ZCWPW2: variants seen among roughly 807,000 people sequenced by gnomAD.
ZCWPW2 encodes zinc finger CW-type PWWP domain protein 2.
ZCWPW2 carries 45 observed loss-of-function variants against 46.6 expected under a neutral mutation model. That is an observed-to-expected ratio of 0.96 (90% CI 0.76 to 1.24). The LOEUF is 1.24. ZCWPW2 is among the 50% of genes most tolerant of loss of function. The pLI is 0.00. For synonymous variants in ZCWPW2, 152 were observed against 137.1 expected (o/e 1.11, Z -0.76); for missense variants, 429 against 403.9 (o/e 1.06, Z -0.53).
intron 4 of ZCWPW2, among the ~76,000 whole-genome samples, chr3:28,448,486 G>C (rs1698083183): frequency 6.6e-6 from 1 of 151,918 alleles, no homozygotes; most frequent in South Asian, 2.1e-4. Flanking sequence ...ACTTACTATA[G>C]TTAAGGTGTC....
intron 4 of ZCWPW2, among the ~76,000 whole-genome samples, chr3:28,439,526 A>G (rs1203742296): frequency 2.0e-5 from 3 of 152,056 alleles, no homozygotes; most frequent in Non-Finnish European, 2.9e-5. Flanking sequence ...CTTCAATTCA[A>G]TCAAGTTGAC....
intron 3 of ZCWPW2, among the ~76,000 whole-genome samples, chr3:28,424,078 T>C (rs895450692): frequency 4.6e-5 from 7 of 152,084 alleles, no homozygotes; most frequent in African/African-American, 1.7e-4. Flanking sequence ...CTTTCCAGAA[T>C]TCCTTACTAT....
intron 1 of ZCWPW2, among the ~76,000 whole-genome samples, chr3:28,387,713 C>T (rs761045358): frequency 1.3e-5 from 2 of 152,040 alleles, no homozygotes; most frequent in South Asian, 2.1e-4. Flanking sequence ...GAATAGGAAA[C>T]TCAAAATAAA....
intron 1 of ZCWPW2, among the ~76,000 whole-genome samples, chr3:28,383,956 T>C (rs1036644178): frequency 2.0e-5 from 3 of 152,158 alleles, no homozygotes; most frequent in Non-Finnish European, 4.4e-5. Flanking sequence ...AAATTTAATA[T>C]TTCTTCCTTT....
chr3:28,357,271 T>G (rs543560043), intron 1 of ZCWPW2, among the ~76,000 whole-genome samples: 35 of 152,278 alleles, frequency 2.3e-4, no homozygotes, highest in Non-Finnish European at 4.4e-4. Context: ...TTAAGCTACA[T>G]TTTTCAAATA....
At chr3:28,447,115 A>C (rs1406969045) in intron 4 of ZCWPW2, among the ~76,000 whole-genome samples, 1 of 152,098 alleles carries the variant, frequency 6.6e-6, no homozygotes, top group Non-Finnish European at 1.5e-5. Context: ...TTCAAATCCT[A>C]CTTTTCCAAA....
intron 6 of ZCWPW2, among the ~76,000 whole-genome samples, chr3:28,507,225 A>G (rs1416337260): frequency 3.3e-5 from 5 of 152,186 alleles, no homozygotes; most frequent in African/African-American, 9.6e-5. Flanking sequence ...TCATTGTGGA[A>G]TATTTAACAA....
At chr3:28,421,834 T>TTGTGTGTGTG (rs71087697) in intron 3 of ZCWPW2, among the ~76,000 whole-genome samples, 2,291 of 133,874 alleles carry the variant, frequency 0.017, 31 homozygotes, top group Admixed American at 0.025. Context: ...GGAGAATAGT[T>TTGTGTGTGTG]TGTGTGTGTG....
rs185281243 is a variant in ZCWPW2, at chr3:28,362,008, A to G, written c.-134+12805A>G. 1.2e-3 allele frequency among the ~76,000 whole-genome samples: 182 copies of G among 152,272 alleles called. 1 individual carries two copies. Among genetic ancestry groups the G allele is most frequent in the African/African-American group, 4.0e-3 (167 of 41,566 alleles). On this transcript the variant is annotated intron_variant, in intron 1 of 9. Transcript: ENST00000383768. ...AGTGGAACTGCCTTGTAATCCAGCA[A>G]TCCTACTTCAAAGGTATTTATCCAA... is the stretch of plus-strand genomic sequence containing the variant.
chr3:28,467,202 T>C (rs1429595669), intron 4 of ZCWPW2, among the ~76,000 whole-genome samples: 1 of 151,988 alleles, frequency 6.6e-6, no homozygotes, highest in Non-Finnish European at 1.5e-5. Flanking sequence ...AATAGTAACC[T>C]GCGGAAAAAA....
At chr3:28,485,332 T>C (rs1004018383) in intron 5 of ZCWPW2, among the ~76,000 whole-genome samples, 1 of 152,154 alleles carries the variant, frequency 6.6e-6, no homozygotes, top group Non-Finnish European at 1.5e-5. Flanking sequence ...TGGTCTTTTT[T>C]TCTGAGTGTT....
chr3:28,369,754 G>T (rs1316214492), intron 1 of ZCWPW2, among the ~76,000 whole-genome samples: 1 of 152,224 alleles, frequency 6.6e-6, no homozygotes, highest in African/African-American at 2.4e-5. Context: ...TGCCCGCAGA[G>T]GTGGAGTCTA....
chr3:28,515,484 A>G, intron 7 of ZCWPW2, 70 bp from the exon 8 acceptor site: 1 of 1,129,166 alleles, frequency 8.9e-7, no homozygotes, highest in South Asian at 1.4e-5. Context: ...ACCAATGAAT[A>G]GGCACAAATG....
chr3:28,409,321 T>C (rs2125737140), intron 2 of ZCWPW2, among the ~76,000 whole-genome samples: 1 of 152,100 alleles, frequency 6.6e-6, no homozygotes, highest in Admixed American at 6.6e-5. Flanking sequence ...GGTTTCGCTA[T>C]GTTGACCAGG....
chr3:28,403,002 C>T (rs1157332366), intron 2 of ZCWPW2, among the ~76,000 whole-genome samples: 5 of 152,128 alleles, frequency 3.3e-5, no homozygotes, highest in Non-Finnish European at 5.9e-5. Flanking sequence ...CAAGGATGCC[C>T]ACTCTCACCA....
intron 4 of ZCWPW2, among the ~76,000 whole-genome samples, chr3:28,467,824 A>G (rs577618337): frequency 6.6e-6 from 1 of 152,294 alleles, no homozygotes; most frequent in East Asian, 1.9e-4. Context: ...GCTCTTTTAA[A>G]TACCTGGAAA....
intron 1 of ZCWPW2, among the ~76,000 whole-genome samples, chr3:28,380,915 C>A (rs1695025239): frequency 9.8e-6 from 1 of 101,980 alleles, no homozygotes; most frequent in African/African-American, 3.8e-5. Context: ...TTGAACTTTA[C>A]CAAATATATA....
intron 6 of ZCWPW2, among the ~76,000 whole-genome samples, chr3:28,497,478 A>C (rs1270403788): frequency 6.6e-6 from 1 of 151,742 alleles, no homozygotes; most frequent in East Asian, 1.9e-4. Flanking sequence ...TGGTGCTTCT[A>C]TAAGAAATGA....
chr3:28,440,594 C>A (rs1229616176), intron 4 of ZCWPW2, among the ~76,000 whole-genome samples: 1 of 152,190 alleles, frequency 6.6e-6, no homozygotes. Context: ...ATTGTGACTT[C>A]ACATGGCTAT....
Sources: allele counts gnomAD v4.1 joint callset (sites outside exome capture counted in the v4.1 genomes callset), GRCh38; gene constraint gnomAD v4.1.1; transcripts MANE v1.5; gene names NCBI Gene and HGNC (gene_info 2026-07-23, HGNC 2026-07-21).